The following DENND4C variants were observed in gnomAD, a reference collection of about 807,000 sequenced individuals.
DENND4C encodes the protein DENN domain-containing protein 4C.
In DENND4C, 108 loss-of-function variants were observed where a neutral mutation model predicts 203.0. That is an observed-to-expected ratio of 0.53 (90% CI 0.46 to 0.62). DENND4C has a LOEUF of 0.62. DENND4C is among the 20% of genes least tolerant of loss of function. The pLI, the probability that DENND4C is intolerant of heterozygous loss-of-function variation, is 0.00. For missense variants in DENND4C, 2,481 were observed against 2,301.2 expected (o/e 1.08, Z -1.60); for synonymous variants, 871 against 792.4 (o/e 1.10, Z -1.67).
intron 10 of DENND4C, among the ~76,000 whole-genome samples, chr9:19,309,286 G>A (rs1840295384): frequency 6.6e-6 from 1 of 152,086 alleles, no homozygotes; most frequent in African/African-American, 2.4e-5. Flanking sequence ...GCCGGGCATG[G>A]TGGTGCATGC....
At chr9:19,235,804 G>A (rs907573706) in intron 1 of DENND4C, among the ~76,000 whole-genome samples, 2 of 151,784 alleles carry the variant, frequency 1.3e-5, no homozygotes, top group African/African-American at 4.8e-5. Flanking sequence ...TAGAGATGGG[G>A]TTTCACCGTG....
chr9:19,245,784 AG>A (rs1825075962), intron 1 of DENND4C, among the ~76,000 whole-genome samples: 1 of 150,714 alleles, frequency 6.6e-6, no homozygotes, highest in Non-Finnish European at 1.5e-5. Flanking sequence ...TGAACCCAGG[AG>A]GTGGAGGTTG....
intron 15 of DENND4C, among the ~76,000 whole-genome samples, chr9:19,327,785 G>T (rs1818134400): frequency 6.6e-6 from 1 of 152,028 alleles, no homozygotes; most frequent in Non-Finnish European, 1.5e-5. Context: ...TAAGATATCA[G>T]AGTTTTCTGT....
chr9:19,240,524 G>A (rs1823404220), intron 1 of DENND4C, among the ~76,000 whole-genome samples: 1 of 152,002 alleles, frequency 6.6e-6, no homozygotes, highest in Non-Finnish European at 1.5e-5. Flanking sequence ...AAATTAGCCT[G>A]GCATAGTGGT....
At chr9:19,236,444 T>G (rs1473380626) in intron 1 of DENND4C, among the ~76,000 whole-genome samples, 1 of 152,202 alleles carries the variant, frequency 6.6e-6, no homozygotes, top group Non-Finnish European at 1.5e-5. Flanking sequence ...GCAAGTAATT[T>G]AGAGGGAGTG....
At chr9:19,282,988 G>T (rs1251073385) in intron 2 of DENND4C, among the ~76,000 whole-genome samples, 1 of 151,716 alleles carries the variant, frequency 6.6e-6, no homozygotes, top group Admixed American at 6.6e-5. Context: ...CAAAGTGCTG[G>T]AATTACAGGC....
At chr9:19,360,212 T>C (rs1387991111) in intron 28 of DENND4C, 32 bp from the exon 29 acceptor site, 14 of 1,598,352 alleles carry the variant, frequency 8.8e-6, no homozygotes, top group African/African-American at 1.4e-5. Context: ...TTTAAACAGA[T>C]AATATTAATT....
intron 1 of DENND4C, among the ~76,000 whole-genome samples, chr9:19,275,128 C>T (rs1832618596): frequency 6.6e-6 from 1 of 151,140 alleles, no homozygotes; most frequent in African/African-American, 2.4e-5. Context: ...CAGGTGCCCA[C>T]CACCACACCT....
intron 1 of DENND4C, among the ~76,000 whole-genome samples, chr9:19,259,011 G>A (rs1691239451): frequency 6.6e-6 from 1 of 152,074 alleles, no homozygotes; most frequent in Non-Finnish European, 1.5e-5. Context: ...GGATACATGA[G>A]ATATTTTGAT....
rs117833298 is a variant in DENND4C at position 19,301,972 on chromosome 9, A to G, written c.1311+1641A>G. ...GTTCCCACCAAAATATTCCTTACTA[A>G]AACAGTGTTTATTGAAGCCCCTTTG... On this transcript the variant is annotated intron_variant, in intron 9 of 32. Transcript: ENST00000434457. Among the ~76,000 whole-genome samples, 28 of 152,236 alleles carry G rather than the reference A, an allele frequency of 1.8e-4. No individual in the cohort carries two copies. In the East Asian group the frequency reaches 5.4e-3, roughly 29 times the overall value.
In DENND4C at chr9:19,372,247, T is replaced by C; in HGVS notation, c.*74T>C. On this transcript the variant is annotated 3_prime_UTR_variant, in exon 33 of 33. Transcript: ENST00000434457. ...CATCTGGAAACATTCAAGTTTTTTT[T>C]TCCAAATCGTAAGAACTGGTGAATA... 2 of 1,540,638 alleles carry C rather than the reference T, an allele frequency of 1.3e-6. No individual in the cohort carries two copies. Among genetic ancestry groups the C allele is most frequent in the Non-Finnish European group, 1.8e-6 (2 of 1,142,576 alleles).
At chr9:19,330,774 G>A (rs1818936509) in intron 16 of DENND4C, among the ~76,000 whole-genome samples, 1 of 152,064 alleles carries the variant, frequency 6.6e-6, no homozygotes, top group Non-Finnish European at 1.5e-5. Context: ...AGATGGCTGG[G>A]CACGGCAGCT....
At chr9:19,310,958 T>C (rs906085226) in intron 10 of DENND4C, among the ~76,000 whole-genome samples, 1 of 152,198 alleles carries the variant, frequency 6.6e-6, no homozygotes, top group Non-Finnish European at 1.5e-5. Context: ...GATAATTGCA[T>C]TGATGTTCAT....
At chr9:19,246,101 A>G (rs1302772020) in intron 1 of DENND4C, among the ~76,000 whole-genome samples, 1 of 150,848 alleles carries the variant, frequency 6.6e-6, no homozygotes, top group Non-Finnish European at 1.5e-5. Flanking sequence ...ATATTGATTC[A>G]TTTAATAAAA....
chr9:19,245,737 T>A (rs1239265210), intron 1 of DENND4C, among the ~76,000 whole-genome samples: 1 of 151,684 alleles, frequency 6.6e-6, no homozygotes, highest in Non-Finnish European at 1.5e-5. Flanking sequence ...GTGCTTGTAA[T>A]CCCAGCTACT....
intron 10 of DENND4C, among the ~76,000 whole-genome samples, chr9:19,313,558 TA>T (rs1359208171): frequency 2.6e-5 from 4 of 152,224 alleles, no homozygotes; most frequent in Admixed American, 6.5e-5. Flanking sequence ...AGCGATTACA[TA>T]AAATGAGAGA....
At chr9:19,316,332 CTTG>C in intron 10 of DENND4C, 82 bp from the exon 11 acceptor site, 1 of 1,017,664 alleles carries the variant, frequency 9.8e-7, no homozygotes, top group South Asian at 1.5e-5. Context: ...TTTCCATTTT[CTTG>C]TTTTAGGTTG....
intron 10 of DENND4C, among the ~76,000 whole-genome samples, chr9:19,311,770 C>CT (rs1840787417): frequency 6.6e-6 from 1 of 152,016 alleles, no homozygotes; most frequent in Non-Finnish European, 1.5e-5. Flanking sequence ...AAATGAAATG[C>CT]TTAAATAGCA....
rs1048483765 is a variant in DENND4C at position 19,322,747 on chromosome 9, A to T, written c.1808-1615A>T. Among the ~76,000 whole-genome samples the T allele has an allele frequency of 2.4e-4, 37 of 151,900 alleles. 2 individuals are homozygous for T. The highest frequency in any genetic ancestry group is 5.9e-4 in the Admixed American group (9 of 15,248). ...ACTTCATCTCAAAAAAAAAAAAAAA[A>T]AAAATAAGGGGGCCAGTGGATTGGA... On this transcript the variant is annotated intron_variant, in intron 12 of 32. Coordinates refer to ENST00000434457, the MANE Select transcript of DENND4C (RefSeq NM_001330640.2).
Sources: gnomAD v4.1 joint callset for allele counts (sites outside exome capture counted in the v4.1 genomes callset) on GRCh38, gnomAD v4.1.1 for gene constraint, MANE v1.5 for transcripts, NCBI Gene and HGNC (gene_info 2026-07-23, HGNC 2026-07-21) for gene names.